Variants in GRK4 observed in about 807,000 individuals in gnomAD.
GRK4 encodes the protein G protein-coupled receptor kinase 4, also known as G protein-coupled receptor kinase 2-like.
GRK4 carries 73 observed loss-of-function variants against 77.9 expected under a neutral mutation model. That is an observed-to-expected ratio of 0.94 (90% CI 0.78 to 1.14). GRK4 has a LOEUF of 1.14. Ranked by LOEUF, GRK4 falls within the 50% of genes most tolerant of loss-of-function variation. The pLI, the probability that GRK4 is intolerant of heterozygous loss-of-function variation, is 0.00. For missense variants in GRK4, 729 were observed against 700.2 expected, an observed-to-expected ratio of 1.04 and a Z score of -0.46; for synonymous variants, 257 against 254.4, an observed-to-expected ratio of 1.01 and a Z score of -0.10.
chr4:2,999,536 A>G (rs1225784196), intron 4 of GRK4, among the ~76,000 whole-genome samples: 3 of 152,232 alleles, frequency 2.0e-5, no homozygotes, highest in Admixed American at 6.5e-5. Context: ...GGGAGAAAGA[A>G]TAGTCTTTTC....
At chr4:2,977,823 G>A (rs1721658513) in intron 1 of GRK4, among the ~76,000 whole-genome samples, 1 of 152,222 alleles carries the variant, frequency 6.6e-6, no homozygotes, top group Non-Finnish European at 1.5e-5. Context: ...CCAGATCACA[G>A]TCAGATGGCC....
intron 13 of GRK4, among the ~76,000 whole-genome samples, chr4:3,036,129 C>T (rs949322079): frequency 1.3e-5 from 2 of 152,244 alleles, no homozygotes; most frequent in African/African-American, 4.8e-5. Flanking sequence ...CCACCCGTGT[C>T]CCCTTTCTGG....
intron 7 of GRK4, among the ~76,000 whole-genome samples, chr4:3,012,936 G>C (rs922610014): frequency 1.3e-5 from 2 of 151,956 alleles, no homozygotes; most frequent in Non-Finnish European, 2.9e-5. Context: ...GAGGTCAGGA[G>C]TTCAAGACCA....
At chr4:3,004,528 A>G (rs907478594) in intron 5 of GRK4, among the ~76,000 whole-genome samples, 194 bp downstream of exon 5, 19 of 152,182 alleles carry the variant, frequency 1.2e-4, no homozygotes, top group Non-Finnish European at 2.6e-4. Context: ...TGACTCCCCC[A>G]AAAGCTTAAC....
chr4:3,010,121 T>C (rs58643792), intron 7 of GRK4, among the ~76,000 whole-genome samples: 2,472 of 152,304 alleles, frequency 0.016, 60 homozygotes, highest in African/African-American at 0.057. Flanking sequence ...TTTGGACACG[T>C]ATGTACCTCA....
chr4:3,024,278 G>A (rs1295289868), intron 10 of GRK4, among the ~76,000 whole-genome samples: 1 of 152,036 alleles, frequency 6.6e-6, no homozygotes, highest in Non-Finnish European at 1.5e-5. Context: ...TAAGGTCAGG[G>A]TCTCTCTATG....
chr4:3,001,263 ATG>A lies in GRK4; in HGVS notation c.340-2962_340-2961del, dbSNP rs533646986. On this transcript the variant is annotated intron_variant, in intron 4 of 15. Coordinates refer to ENST00000398052, the MANE Select transcript of GRK4 (RefSeq NM_182982.3). ...TATATATATACATATATGTATATAT[ATG>A]TGTGTATGTATGTATGTATACACAT... Among the ~76,000 whole-genome samples the A allele has an allele frequency of 3.5e-3, 334 of 95,004 alleles. 23 individuals carry two copies. Among genetic ancestry groups the A allele is most frequent in the African/African-American group, 0.016 (313 of 19,512 alleles). The allele number at this position is 95,004 out of a possible 152,430, so 62.3% of individuals were successfully genotyped here.
intron 12 of GRK4, 86 bp from the exon 13 acceptor site, chr4:3,035,300 G>A (rs2110081881): frequency 7.3e-7 from 1 of 1,361,248 alleles, no homozygotes; most frequent in Non-Finnish European, 1.1e-6. Context: ...GCCCTCCCGA[G>A]TCCTTTGGTT....
At chr4:2,974,259 G>T (rs1384982793) in intron 1 of GRK4, among the ~76,000 whole-genome samples, 1 of 152,132 alleles carries the variant, frequency 6.6e-6, no homozygotes, top group Non-Finnish European at 1.5e-5. Context: ...CTAAAATTAA[G>T]CTTTATAAGA....
chr4:2,969,958 A>C (rs1410720909), intron 1 of GRK4, among the ~76,000 whole-genome samples: 2 of 152,234 alleles, frequency 1.3e-5, no homozygotes, highest in South Asian at 2.1e-4. Flanking sequence ...CTGGGATTAC[A>C]GGGTGAACCA....
intron 5 of GRK4, 109 bp downstream of exon 5, chr4:3,004,443 C>A: frequency 1.5e-6 from 1 of 651,802 alleles, no homozygotes; most frequent in Non-Finnish European, 2.7e-6. Context: ...TGTAGTTGAC[C>A]CTTGAACAAC....
At chr4:2,965,135 C>T in intron 1 of GRK4, 2 of 609,478 alleles carry the variant, frequency 3.3e-6, no homozygotes, top group East Asian at 2.7e-5. Flanking sequence ...TTATAAAAAT[C>T]CTGCTTAGTC....
At chr4:3,016,902 A>G (rs147950981) in intron 8 of GRK4, among the ~76,000 whole-genome samples, 3 of 152,088 alleles carry the variant, frequency 2.0e-5, no homozygotes, top group East Asian at 1.9e-4. Context: ...CTCCTTCCCT[A>G]TGGTGTTTTC....
intron 1 of GRK4, among the ~76,000 whole-genome samples, chr4:2,970,531 A>G (rs1167336758): frequency 2.0e-5 from 3 of 151,422 alleles, no homozygotes; most frequent in Non-Finnish European, 2.9e-5. Flanking sequence ...GGTGGCATGC[A>G]CCTGTAGTCC....
intron 4 of GRK4, among the ~76,000 whole-genome samples, chr4:2,993,109 C>A (rs1245573768): frequency 7.8e-6 from 1 of 128,114 alleles, no homozygotes; most frequent in East Asian, 1.9e-4. Context: ...AAAATTGATT[C>A]AGTGTATTTA....
intron 4 of GRK4, among the ~76,000 whole-genome samples, chr4:2,994,060 C>T (rs1176821797): frequency 2.0e-5 from 3 of 152,170 alleles, no homozygotes; most frequent in African/African-American, 4.8e-5. Flanking sequence ...AGGTGTGATT[C>T]AGACCCTAAT....
intron 8 of GRK4, among the ~76,000 whole-genome samples, chr4:3,016,058 A>ATG (rs1734400790): frequency 2.0e-5 from 3 of 150,860 alleles, no homozygotes; most frequent in South Asian, 2.1e-4. Context: ...ACAGGTGCCC[A>ATG]CCACCACACC....
At chr4:2,989,926 G>A (rs2109647097) in intron 3 of GRK4, among the ~76,000 whole-genome samples, 1 of 152,252 alleles carries the variant, frequency 6.6e-6, no homozygotes, top group African/African-American at 2.4e-5. Flanking sequence ...GTGGAATTTA[G>A]CAGAAAATCT....
At chr4:2,965,454 A>C (rs753130547) in intron 1 of GRK4, 3 of 702,860 alleles carry the variant, frequency 4.3e-6, no homozygotes, top group Non-Finnish European at 7.8e-6. Flanking sequence ...GATTTCCTCT[A>C]TTTCCTTGCG....
Sources: gnomAD v4.1 joint callset for allele counts (sites outside exome capture counted in the v4.1 genomes callset) on GRCh38, gnomAD v4.1.1 for gene constraint, MANE v1.5 for transcripts, NCBI Gene and HGNC (gene_info 2026-07-23, HGNC 2026-07-21) for gene names.